GPHN: variants seen among roughly 807,000 people sequenced by gnomAD.
The protein encoded by GPHN is gephyrin.
Under a neutral mutation model 95.5 loss-of-function variants are expected in GPHN, and 17 were observed. The ratio of observed to expected loss-of-function variants is 0.18; its 90% CI spans 0.12 to 0.27. GPHN has a LOEUF of 0.27. Ranked by LOEUF, GPHN falls within the 10% of genes least tolerant of loss-of-function variation. The pLI, the probability that GPHN is intolerant of heterozygous loss-of-function variation, is 1.00. For synonymous variants in GPHN, 320 were observed against 322.5 expected (o/e 0.99, Z 0.08); for missense variants, 660 against 978.1 (o/e 0.67, Z 4.34).
At chr14:66,570,039 T>A (rs2060618122) in intron 1 of GPHN, among the ~76,000 whole-genome samples, 2 of 128,628 alleles carry the variant, frequency 1.6e-5, no homozygotes, top group African/African-American at 8.2e-5. Context: ...AATAATATTC[T>A]ATTTGTTTTT....
chr14:67,603,316 G>T, the GPHN span, among the ~76,000 whole-genome samples: 5 of 152,022 alleles, frequency 3.3e-5, no homozygotes, highest in African/African-American at 1.2e-4. Flanking sequence ...GTGATCCTTC[G>T]GCCTCAGCCT....
chr14:66,589,556 AG>A (rs1163857265), intron 1 of GPHN, among the ~76,000 whole-genome samples: 1 of 151,804 alleles, frequency 6.6e-6, no homozygotes, highest in African/African-American at 2.4e-5. Context: ...AAGACAAAGA[AG>A]GGCTTTTTAC....
At chr14:67,648,342 G>A in the GPHN span, 1 of 756,314 alleles carries the variant, frequency 1.3e-6, no homozygotes, top group East Asian at 2.8e-5. Flanking sequence ...TAATAAAAAG[G>A]ATATAGTCCT....
At chr14:67,076,228 T>G (rs1271660954) in intron 11 of GPHN, among the ~76,000 whole-genome samples, 1 of 152,192 alleles carries the variant, frequency 6.6e-6, no homozygotes, top group Non-Finnish European at 1.5e-5. Flanking sequence ...CTCAGATAAT[T>G]GTTAGCATTT....
intron 8 of GPHN, among the ~76,000 whole-genome samples, chr14:66,941,800 C>A (rs929261945): frequency 7.9e-5 from 12 of 151,824 alleles, no homozygotes; most frequent in African/African-American, 2.9e-4. Context: ...CAGATACTTT[C>A]CAAATTCTAG....
Position 66,589,827 on chromosome 14 carries a change from G to A in GPHN, c.64+81236G>A, listed in dbSNP as rs141968280. ...ATTTGAACTCAGCTCTGGACCAAGC[G>A]GACCTAATAGACATCTACAGAACTC... On this transcript the variant is annotated intron_variant, in intron 1 of 22. Transcript: ENST00000478722. Among the ~76,000 whole-genome samples, 233 of 152,122 alleles carry A rather than the reference G, an allele frequency of 1.5e-3. 4 individuals are homozygous for A. The highest frequency in any genetic ancestry group is 0.011 in the South Asian group (53 of 4,812).
rs78821176 is a variant in GPHN, at chr14:66,565,282, T to G, written c.64+56691T>G. On this transcript the variant is annotated intron_variant, in intron 1 of 22. Transcript: ENST00000478722. ...CAGCAGTGAGTAGCTTACTCAGAAT[T>G]GTCCCCTATCTGTGTGTGTGTGTGT... Among the ~76,000 whole-genome samples, 213 of 152,150 alleles carry G rather than the reference T, an allele frequency of 1.4e-3. 4 individuals are homozygous for G. The East Asian group carries it at 0.023, about 16-fold the overall frequency.
intron 18 of GPHN, among the ~76,000 whole-genome samples, chr14:67,149,081 C>T (rs970769650): frequency 5.9e-5 from 9 of 152,096 alleles, no homozygotes; most frequent in Non-Finnish European, 4.4e-5. Context: ...GTGTGGCTCA[C>T]GCCTGTAATC....
intron 9 of GPHN, among the ~76,000 whole-genome samples, chr14:66,989,300 T>C (rs1031088693): frequency 1.3e-5 from 2 of 152,074 alleles, no homozygotes; most frequent in East Asian, 3.8e-4. Context: ...TACCTAATTA[T>C]TCTAGAAACC....
chr14:66,730,980 G>A (rs536508041), intron 2 of GPHN, among the ~76,000 whole-genome samples: 86 of 152,212 alleles, frequency 5.7e-4, no homozygotes, highest in African/African-American at 1.7e-3. Flanking sequence ...TGCTGTTCTC[G>A]TGATAGTGAG....
At chr14:66,625,050 A>T (rs1216417594) in intron 1 of GPHN, among the ~76,000 whole-genome samples, 1 of 152,130 alleles carries the variant, frequency 6.6e-6, no homozygotes, top group Non-Finnish European at 1.5e-5. Context: ...TGCACTTGTT[A>T]GTGCCTTTCA....
intron 4 of GPHN, among the ~76,000 whole-genome samples, chr14:66,866,038 A>T (rs551799971): frequency 5.9e-5 from 9 of 152,208 alleles, no homozygotes; most frequent in Non-Finnish European, 1.3e-4. Context: ...CCAGGTAATT[A>T]AGTGTGGTTG....
At chr14:66,623,179 A>C (rs1411342683) in intron 1 of GPHN, among the ~76,000 whole-genome samples, 1 of 152,168 alleles carries the variant, frequency 6.6e-6, no homozygotes, top group Non-Finnish European at 1.5e-5. Flanking sequence ...CAGTGGACAA[A>C]GAGAGAACTT....
At chr14:67,396,785 T>TCATTGGAATGC in the GPHN span, among the ~76,000 whole-genome samples, 1 of 152,274 alleles carries the variant, frequency 6.6e-6, no homozygotes, top group African/African-American at 2.4e-5. Context: ...AGCTGTGGCA[T>TCATTGGAATGC]CATTGGAATG....
chr14:67,729,919 C>T, the GPHN span: 228,452 of 418,326 alleles, frequency 0.55, 65,024 homozygotes, highest in Non-Finnish European at 0.62. Context: ...GGTGAAATCT[C>T]TTTCCCATTC....
the GPHN span, chr14:67,376,682 C>T: frequency 7.3e-7 from 1 of 1,366,140 alleles, no homozygotes; most frequent in African/African-American, 1.4e-5. Flanking sequence ...AAAATACTTG[C>T]CAAATTTAGA....
At position 67,142,966 on chromosome 14, in the gene GPHN, T is replaced by C. The variant is rs1364199176; in HGVS notation, c.1749-396T>C. On this transcript the variant is annotated intron_variant, in intron 17 of 22. Transcript: ENST00000478722. ...ATTCTCTCTAAAGAGTCCTATGTGA[T>C]CTTTCCAACACCTCAGGTAACCAAT... is the stretch of plus-strand genomic sequence containing the variant. The C allele has an allele frequency of 1.3e-5, 4 of 296,424 alleles. No homozygotes were observed. The East Asian group carries it at 3.3e-4, about 25-fold the overall frequency. The allele number at this position is 296,424 out of a possible 1,614,324, so 18.4% of individuals were successfully genotyped here.
At chr14:67,709,272 G>A in the GPHN span, among the ~76,000 whole-genome samples, 1 of 152,172 alleles carries the variant, frequency 6.6e-6, no homozygotes, top group Non-Finnish European at 1.5e-5. Flanking sequence ...CCCAAAAAAG[G>A]TGAAAACCTT....
rs566964381 is a variant in GPHN at position 66,835,683 on chromosome 14, A to G, written c.294+11117A>G. Among the ~76,000 whole-genome samples the G allele has an allele frequency of 5.6e-4, 85 of 152,262 alleles. 2 individuals carry two copies. The highest frequency in any genetic ancestry group is 2.0e-3 in the African/African-American group (82 of 41,548). ...CCGTGTCTGCAGATGACATGATTGT[A>G]TATCTAGAAAACCCCATTGTCTCAG... is the stretch of plus-strand genomic sequence containing the variant. On this transcript the variant is annotated intron_variant, in intron 4 of 22. Coordinates refer to ENST00000478722, the MANE Select transcript of GPHN (RefSeq NM_020806.5).
Sources: allele counts gnomAD v4.1 joint callset (sites outside exome capture counted in the v4.1 genomes callset), GRCh38; gene constraint gnomAD v4.1.1; transcripts MANE v1.5; gene names NCBI Gene and HGNC (gene_info 2026-07-23, HGNC 2026-07-21).